Variants in GATA3 observed in about 807,000 individuals in gnomAD.
GATA3 encodes GATA binding protein 3, also known as trans-acting T-cell-specific transcription factor GATA-3.
In GATA3, 6 loss-of-function variants were observed where a neutral mutation model predicts 36.0. The observed-to-expected ratio is 0.17, with a 90% CI of 0.09 to 0.33. The LOEUF is 0.33. GATA3 is among the 10% of genes least tolerant of loss of function. The pLI, the probability that GATA3 is intolerant of heterozygous loss-of-function variation, is 1.00. For missense variants in GATA3, 514 were observed against 610.1 expected (o/e 0.84, Z 1.66); for synonymous variants, 326 against 273.0 (o/e 1.19, Z -1.92).
intron 3 of GATA3, among the ~76,000 whole-genome samples, chr10:8,062,442 TCC>T (rs1832765574): frequency 6.6e-6 from 1 of 151,680 alleles, no homozygotes. Flanking sequence ...AAGACCCTCT[TCC>T]ATTTGCAAAA....
At chr10:8,049,874 A>G (rs1832441096), upstream of GATA3, among the ~76,000 whole-genome samples, 1 of 152,104 alleles carries the variant, frequency 6.6e-6, no homozygotes, top group Admixed American at 6.5e-5. Context: ...ACCCGGGGCT[A>G]AGGAGGAAGG....
chr10:8,055,375 T>G lies in GATA3; in HGVS notation c.-281T>G. 5.8e-6 allele frequency: 3 copies of G among 521,182 alleles called. No individual in the cohort carries two copies. The highest frequency in any genetic ancestry group is 6.9e-6 in the Non-Finnish European group (2 of 290,298). The allele number at this position is 521,182 out of a possible 1,614,324, so 32.3% of individuals were successfully genotyped here. ...GCAGAATTGCAGAGTCGTCGCCCCT[T>G]TTTACAACCTGGTCCCGTTTTATTC... On this transcript the variant is annotated 5_prime_UTR_variant, in exon 2 of 6. Transcript: ENST00000379328. The surrounding 1 kb of genome is among the most constrained non-coding windows in gnomAD (Gnocchi z 5.4).
At chr10:8,064,299 TTTCTTC>T (rs769669528) in intron 4 of GATA3, among the ~76,000 whole-genome samples, 161 bp downstream of exon 4, 1 of 94,124 alleles carries the variant, frequency 1.1e-5, no homozygotes, top group African/African-American at 3.5e-5. Context: ...CTTTCTTTCT[TTTCTTC>T]TTCTTCTTTT....
At chr10:8,048,944 G>T (rs1588366059), upstream of GATA3, among the ~76,000 whole-genome samples, 1 of 151,642 alleles carries the variant, frequency 6.6e-6, no homozygotes, top group African/African-American at 2.4e-5. Flanking sequence ...GGCCGGGGCC[G>T]GGCTGGGGGC....
At chr10:8,051,971 T>C (rs1267757333), upstream of GATA3, among the ~76,000 whole-genome samples, 2 of 151,852 alleles carry the variant, frequency 1.3e-5, no homozygotes, top group Admixed American at 6.6e-5. Flanking sequence ...CCCCCTCCCA[T>C]CCTTTTCCCT....
At chr10:8,051,301 C>G (rs2131469959), upstream of GATA3, 1 of 292,192 alleles carries the variant, frequency 3.4e-6, no homozygotes. Context: ...CTAAAGCAGC[C>G]GCTTCCAGGC....
chr10:8,058,580 G>T lies in GATA3; in HGVS notation c.517G>T (p.Ala173Ser), dbSNP rs753226620. The T allele has an allele frequency of 4.3e-6, 7 of 1,612,396 alleles. No homozygotes were observed. Among genetic ancestry groups the T allele is most frequent in the South Asian group, 1.1e-5 (1 of 91,082 alleles). ...PDPSLSTPGSAGSARQDEKEC... is the reference protein window; with the variant it reads ...PDPSLSTPGSSGSARQDEKEC... ...CCCATCGCTGTCCACCCCAGGCTCG[G>T]CCGGCTCGGCCCGGCAGGACGAGAA... Residue 173 changes from alanine (A) to serine (S), a missense_variant, in exon 3 of 6, where the codon GCC becomes TCC. This residue lies in a region of GATA3 where 381 missense variants were observed against 354.3 expected (regional missense o/e 1.08). Coordinates refer to ENST00000379328, the MANE Select transcript of GATA3 (RefSeq NM_001002295.2).
chr10:8,067,772 C>A (rs576052566), intron 4 of GATA3, among the ~76,000 whole-genome samples: 2 of 152,142 alleles, frequency 1.3e-5, no homozygotes, highest in Admixed American at 1.3e-4. Context: ...GAGCCGAGAT[C>A]GCGCCACTGC....
intron 4 of GATA3, among the ~76,000 whole-genome samples, chr10:8,068,329 G>A (rs1219870388): frequency 6.6e-6 from 1 of 152,218 alleles, no homozygotes; most frequent in African/African-American, 2.4e-5. Flanking sequence ...CAGAGGAGGC[G>A]AGGGATCCAG....
Position 8,073,518 on chromosome 10 carries a change from C to T in GATA3, c.1051-221C>T, listed in dbSNP as rs196526. Among the ~76,000 whole-genome samples the T allele has an allele frequency of 0.011, 1,718 of 152,164 alleles. 35 individuals carry two copies. The highest frequency in any genetic ancestry group is 0.039 in the African/African-American group (1,599 of 41,496). On this transcript the variant is annotated intron_variant, in intron 5 of 5. Coordinates refer to ENST00000379328, the MANE Select transcript of GATA3 (RefSeq NM_001002295.2). ...ATTTTCGTTACCAGAGAAATACAAT[C>T]GTACTAGACGGGGCTGTAATCTGGT...
intron 2 of GATA3, among the ~76,000 whole-genome samples, chr10:8,057,008 C>G (rs1832651450): frequency 6.6e-6 from 1 of 152,234 alleles, no homozygotes; most frequent in East Asian, 1.9e-4. Context: ...CAGGCGTCCT[C>G]TACCCTGCTG....
intron 4 of GATA3, among the ~76,000 whole-genome samples, chr10:8,068,061 C>T (rs444929): frequency 0.81 from 122,874 of 152,136 alleles, 49,704 homozygotes; most frequent in East Asian, 0.96. Context: ...GAGAGGTTTA[C>T]ATTAGAAGTG....
intron 3 of GATA3, among the ~76,000 whole-genome samples, chr10:8,062,782 T>G (rs1409967738): frequency 2.6e-5 from 4 of 152,188 alleles, no homozygotes; most frequent in Non-Finnish European, 5.9e-5. Context: ...CAACTTGAGT[T>G]AAGCCTCCTG....
intron 5 of GATA3, among the ~76,000 whole-genome samples, chr10:8,071,162 T>C (rs1832925158): frequency 6.6e-6 from 1 of 152,172 alleles, no homozygotes; most frequent in Admixed American, 6.5e-5. Context: ...GCAGAAATTA[T>C]TTTTATTTCA....
Position 8,075,023 on chromosome 10 carries a change from A to C in GATA3, c.*1000A>C. On this transcript the variant is annotated 3_prime_UTR_variant, in exon 6 of 6. Transcript: ENST00000379328. ...TCCTGCAGCCTGTGCTGAGGGTAGC[A>C]GTGTATGAGCTACCAGCGTGCATGT... 1 of 233,120 alleles carries C rather than the reference A, an allele frequency of 4.3e-6. No homozygotes were observed. The highest frequency in any genetic ancestry group is 8.5e-6 in the Non-Finnish European group (1 of 117,920). The allele number at this position is 233,120 out of a possible 1,614,324, so 14.4% of individuals were successfully genotyped here.
Position 8,058,623 on chromosome 10 carries a change from A to G in GATA3, c.560A>G (p.Gln187Arg), listed in dbSNP as rs1378812716. 1 of 1,611,986 alleles carries G rather than the reference A, an allele frequency of 6.2e-7. No homozygotes were observed. The highest frequency in any genetic ancestry group is 2.2e-5 in the East Asian group (1 of 44,788). The change falls in exon 3 of 6, where the codon CAG (glutamine) becomes CGG (arginine). Residue 187 changes from glutamine (Q) to arginine (R), a missense_variant. Gln to Arg is a conservative substitution (Grantham distance 43, BLOSUM62 1). This residue lies in a region of GATA3 where 381 missense variants were observed against 354.3 expected (regional missense o/e 1.08). Coordinates refer to ENST00000379328, the MANE Select transcript of GATA3 (RefSeq NM_001002295.2). ...RQDEKECLKY[Q>R]VPLPDSMKLE... ...GACGAGAAAGAGTGCCTCAAGTACC[A>G]GGTGCCCCTGCCCGACAGCATGAAG...
intron 4 of GATA3, among the ~76,000 whole-genome samples, chr10:8,068,119 A>G (rs1437350647): frequency 6.6e-6 from 1 of 152,186 alleles, no homozygotes; most frequent in Non-Finnish European, 1.5e-5. Context: ...TTATTTTTTT[A>G]AAGCGTGAAC....
At chr10:8,046,687 G>C (rs1184152764) in intron 1 of GATA3, among the ~76,000 whole-genome samples, 1 of 123,454 alleles carries the variant, frequency 8.1e-6, no homozygotes, top group Non-Finnish European at 1.7e-5. Flanking sequence ...GTGTGTGTGT[G>C]TGTGTCAGGG....
Position 8,055,621 on chromosome 10 carries a change from G to C in GATA3, c.-35G>C, listed in dbSNP as rs1185606721. The C allele has an allele frequency of 3.2e-6, 5 of 1,540,724 alleles. No individual in the cohort carries two copies. The Admixed American group carries it at 9.8e-5, about 30-fold the overall frequency. ...CCCTCCCTCCCCGCGCGCGGGTTCC[G>C]GGCCCGGCGAGAGGGCGCGAGCACA... On this transcript the variant is annotated 5_prime_UTR_variant, in exon 2 of 6. Transcript: ENST00000379328. The surrounding 1 kb of genome is among the most constrained non-coding windows in gnomAD (Gnocchi z 5.4).
Sources: gnomAD v4.1 joint callset for allele counts (sites outside exome capture counted in the v4.1 genomes callset) on GRCh38, gnomAD v4.1.1 for gene constraint, gnomAD v4.1.1 regional missense constraint, Gnocchi (gnomAD v3.1) non-coding constraint, MANE v1.5 for transcripts, NCBI Gene and HGNC (gene_info 2026-07-23, HGNC 2026-07-21) for gene names.